The following TEAD1 variants were observed in gnomAD, a reference collection of about 807,000 sequenced individuals.
TEAD1 encodes transcriptional enhancer factor TEF-1.
Under a neutral mutation model 54.9 loss-of-function variants are expected in TEAD1, and 9 were observed. The observed-to-expected ratio is 0.16, with a 90% CI of 0.10 to 0.29. The LOEUF is 0.29. Among genes scored for constraint, TEAD1 ranks in the 10% least tolerant of loss-of-function variants. The pLI is 1.00. For synonymous variants in TEAD1, 200 were observed against 187.8 expected (o/e 1.07, Z -0.53); for missense variants, 387 against 535.9 (o/e 0.72, Z 2.74).
intron 9 of TEAD1, among the ~76,000 whole-genome samples, chr11:12,887,723 T>C (rs1350815787): frequency 6.6e-6 from 1 of 152,254 alleles, no homozygotes; most frequent in Non-Finnish European, 1.5e-5. Flanking sequence ...GCTATAGTTT[T>C]GTTCCAACAA....
In TEAD1 at chr11:12,674,506, G is replaced by A; in HGVS notation, c.-536G>A. 1 of 150,706 alleles carries A rather than the reference G, an allele frequency of 6.6e-6. No homozygotes were observed. Among genetic ancestry groups the A allele is most frequent in the Non-Finnish European group, 1.5e-5 (1 of 67,784 alleles). 9.3% of individuals were successfully genotyped at this position (150,706 alleles called of 1,614,324 possible). A position where few individuals can be genotyped will look rare whatever the true frequency, so the allele number is the denominator to read the frequency against. ...CTGCTGCCGCCGCCGCGGCCCCGCC[G>A]CCCGCCGCGGGCGCCCACCAAGCAC... On this transcript the variant is annotated 5_prime_UTR_variant, in exon 1 of 13. Transcript: ENST00000527636.
intron 3 of TEAD1, among the ~76,000 whole-genome samples, chr11:12,819,382 AT>A (rs1399614929): frequency 6.6e-6 from 1 of 151,730 alleles, no homozygotes; most frequent in Non-Finnish European, 1.5e-5. Context: ...TAACCCCTTC[AT>A]TTAAACAGTC....
intron 10 of TEAD1, among the ~76,000 whole-genome samples, chr11:12,924,363 C>A (rs551268883): frequency 9.2e-5 from 14 of 152,190 alleles, no homozygotes; most frequent in Non-Finnish European, 1.9e-4. Context: ...CATTGTCTAG[C>A]ATGAACCTTT....
At chr11:12,929,672 A>G (rs2134169259) in intron 11 of TEAD1, among the ~76,000 whole-genome samples, 1 of 152,014 alleles carries the variant, frequency 6.6e-6, no homozygotes, top group South Asian at 2.1e-4. Context: ...CTGCATATAT[A>G]CTAGTATTTT....
rs567551226 is a variant in TEAD1 at position 12,752,587 on chromosome 11, G to A, written c.-54-11592G>A. On this transcript the variant is annotated intron_variant, in intron 2 of 12. Transcript: ENST00000527636. ...TGCGTTGGTACAATTCACCCATGTTGTTACTTGCAGTTGTCATTTATTTAT... is the reference window on the plus strand; with the variant it reads ...TGCGTTGGTACAATTCACCCATGTTATTACTTGCAGTTGTCATTTATTTAT... Among the ~76,000 whole-genome samples the A allele has an allele frequency of 2.0e-5, 3 of 152,098 alleles. No homozygotes were observed. The South Asian group carries it at 6.2e-4, about 32-fold the overall frequency.
chr11:12,780,615 T>C (rs2133947390), intron 3 of TEAD1, among the ~76,000 whole-genome samples: 1 of 152,128 alleles, frequency 6.6e-6, no homozygotes, highest in Middle Eastern at 3.4e-3. Context: ...CATCATAGTG[T>C]GAAAAAGAAC....
chr11:12,758,798 C>T (rs1392392733), intron 2 of TEAD1, among the ~76,000 whole-genome samples: 4 of 152,164 alleles, frequency 2.6e-5, no homozygotes, highest in African/African-American at 9.7e-5. Context: ...CTGCCTCAGC[C>T]TCCCAAAGTG....
At chr11:12,898,800 T>C (rs1324143185) in intron 9 of TEAD1, among the ~76,000 whole-genome samples, 4 of 152,186 alleles carry the variant, frequency 2.6e-5, no homozygotes, top group Non-Finnish European at 5.9e-5. Context: ...TATATCCCCA[T>C]TGCACATATG....
intron 3 of TEAD1, among the ~76,000 whole-genome samples, chr11:12,810,073 T>G (rs1052655939): frequency 7.0e-6 from 1 of 143,776 alleles, no homozygotes; most frequent in Non-Finnish European, 1.5e-5. Flanking sequence ...CTCCACCTCC[T>G]GGGTTCAAGC....
chr11:12,887,716 A>G (rs1441552823), intron 9 of TEAD1, among the ~76,000 whole-genome samples: 1 of 152,228 alleles, frequency 6.6e-6, no homozygotes, highest in African/African-American at 2.4e-5. Flanking sequence ...TAATTTTGCT[A>G]TAGTTTTGTT....
chr11:12,901,792 A>G, intron 9 of TEAD1, 148 bp from the exon 10 acceptor site: 2 of 883,136 alleles, frequency 2.3e-6, no homozygotes, highest in Non-Finnish European at 3.7e-6. Context: ...TTTTCTAAAC[A>G]TACTCATCAT....
At chr11:12,772,422 C>G (rs892307758) in intron 3 of TEAD1, among the ~76,000 whole-genome samples, 4 of 152,090 alleles carry the variant, frequency 2.6e-5, no homozygotes, top group African/African-American at 7.2e-5. Context: ...TCCTCTGATG[C>G]AGAATGGAGG....
chr11:12,759,394 C>T (rs1008142561), intron 2 of TEAD1, among the ~76,000 whole-genome samples: 4 of 147,510 alleles, frequency 2.7e-5, no homozygotes, highest in Non-Finnish European at 5.9e-5. Flanking sequence ...GAAGGAATTA[C>T]ACATTTAGGG....
At position 12,855,947 on chromosome 11, in the gene TEAD1, T is replaced by TAA. The variant is rs34579028; in HGVS notation, c.203-6289_203-6288dup. On this transcript the variant is annotated intron_variant, in intron 3 of 12. Transcript: ENST00000527636. ...TGGGCAACAGAGCTAGACCTTGTCT[T>TAA]AAAAAAAAAAAAAAAGGAGTGGTGG... 6.4e-4 allele frequency among the ~76,000 whole-genome samples: 89 copies of TAA among 139,328 alleles called. 1 individual carries two copies. The highest frequency in any genetic ancestry group is 7.5e-3 in the Middle Eastern group (2 of 266). The allele number at this position is 139,328 out of a possible 152,430, so 91.4% of individuals were successfully genotyped here.
intron 9 of TEAD1, among the ~76,000 whole-genome samples, chr11:12,884,137 C>T (rs112710921): frequency 0.013 from 1,958 of 152,274 alleles, 41 homozygotes; most frequent in African/African-American, 0.044. Flanking sequence ...TCCCCCACCC[C>T]CATCTTGTAC....
chr11:12,818,100 T>C (rs1330530278), intron 3 of TEAD1, among the ~76,000 whole-genome samples: 1 of 152,242 alleles, frequency 6.6e-6, no homozygotes, highest in Non-Finnish European at 1.5e-5. Flanking sequence ...TTTTCATATA[T>C]GTGGGTGGTT....
At chr11:12,934,192 G>A (rs1252508215) in intron 12 of TEAD1, among the ~76,000 whole-genome samples, 1 of 152,186 alleles carries the variant, frequency 6.6e-6, no homozygotes, top group Non-Finnish European at 1.5e-5. Context: ...ATACATCATG[G>A]AATACTATGC....
intron 11 of TEAD1, among the ~76,000 whole-genome samples, chr11:12,927,278 G>C (rs1463296983): frequency 6.6e-6 from 1 of 152,214 alleles, no homozygotes; most frequent in Non-Finnish European, 1.5e-5. Context: ...CTTCCAGATA[G>C]GCGTTTGTAT....
chr11:12,914,916 A>G (rs1948683554), intron 10 of TEAD1, among the ~76,000 whole-genome samples: 1 of 152,244 alleles, frequency 6.6e-6, no homozygotes, highest in African/African-American at 2.4e-5. Flanking sequence ...CTACCATTGG[A>G]AAAAATTGCT....
Sources: gnomAD v4.1 joint callset for allele counts (sites outside exome capture counted in the v4.1 genomes callset) on GRCh38, gnomAD v4.1.1 for gene constraint, MANE v1.5 for transcripts, NCBI Gene and HGNC (gene_info 2026-07-23, HGNC 2026-07-21) for gene names.